Variants in ZDHHC11B observed in about 807,000 individuals in gnomAD.
ZDHHC11B encodes the protein probable palmitoyltransferase ZDHHC11B.
A neutral mutation model predicts 42.3 loss-of-function variants in ZDHHC11B; 17 were observed. The ratio of observed to expected loss-of-function variants is 0.40; its 90% CI spans 0.27 to 0.60. The LOEUF (loss-of-function observed/expected upper bound fraction) is 0.60, where lower values mean the gene tolerates loss of function less well. ZDHHC11B is among the 20% of genes least tolerant of loss of function. ZDHHC11B has a pLI of 0.41. For missense variants in ZDHHC11B, 262 were observed against 463.2 expected (o/e 0.57, Z 3.99); for synonymous variants, 123 against 193.5 (o/e 0.64, Z 3.02).
chr5:772,314 G>C (rs1432170898), intron 1 of ZDHHC11B, among the ~76,000 whole-genome samples: 1 of 147,812 alleles, frequency 6.8e-6, no homozygotes, highest in Non-Finnish European at 1.5e-5. Flanking sequence ...CAAGCAGCAT[G>C]AGATGGCACG....
At chr5:713,953 A>G (rs1455162424) in intron 13 of ZDHHC11B, among the ~76,000 whole-genome samples, 7 of 134,718 alleles carry the variant, frequency 5.2e-5, no homozygotes, top group Non-Finnish European at 1.2e-4. Flanking sequence ...ACCAGGTTTC[A>G]CAAATGCCCT....
At chr5:773,101 G>A (rs1189300956) in intron 1 of ZDHHC11B, among the ~76,000 whole-genome samples, 1 of 151,836 alleles carries the variant, frequency 6.6e-6, no homozygotes, top group African/African-American at 2.4e-5. Flanking sequence ...AGACCCACGT[G>A]CTGTTTCCAC....
intron 12 of ZDHHC11B, among the ~76,000 whole-genome samples, chr5:720,475 C>A (rs1161609464): frequency 6.6e-6 from 1 of 151,656 alleles, no homozygotes; most frequent in Non-Finnish European, 1.5e-5. Flanking sequence ...CTCAGATAGA[C>A]AAAAATTGAG....
At chr5:763,361 C>G (rs1301684689) in intron 4 of ZDHHC11B, among the ~76,000 whole-genome samples, 1 of 142,130 alleles carries the variant, frequency 7.0e-6, no homozygotes, top group Non-Finnish European at 1.5e-5. Context: ...AAGAGTGAGA[C>G]TCCCATCTCG....
In ZDHHC11B at chr5:720,454, A is replaced by G. The variant is rs377471508; in HGVS notation, c.1059-3589T>C. On this transcript the variant is annotated intron_variant, in intron 12 of 13. Transcript: ENST00000508859. ...TCTATCCTTCCAGAATAAAGCAATA[A>G]CTAAGACATTCTCAGATAGACAAAA... 5.9e-5 allele frequency among the ~76,000 whole-genome samples: 9 copies of G among 151,956 alleles called. No homozygotes were observed. The East Asian group carries it at 1.5e-3, about 26-fold the overall frequency.
chr5:732,896 A>G (rs1246699819), intron 11 of ZDHHC11B, among the ~76,000 whole-genome samples: 2 of 151,812 alleles, frequency 1.3e-5, no homozygotes, highest in African/African-American at 4.9e-5. Context: ...GAAATAAAAA[A>G]CAAAAAATAA....
rs1338009436 is a variant in ZDHHC11B at position 752,887 on chromosome 5, C to T, written c.504-1630G>A. On this transcript the variant is annotated intron_variant, in intron 6 of 13. Coordinates refer to ENST00000508859, the MANE Select transcript of ZDHHC11B (RefSeq NM_001351303.2). ...TCATCCTACTGTCTGGAGAGGACTC[C>T]CCTCTTCATCCAGGAAAGAAGGCGG... Among the ~76,000 whole-genome samples, 7 of 124,808 alleles carry T rather than the reference C, an allele frequency of 5.6e-5. No homozygotes were observed. The Admixed American group carries it at 6.6e-4, about 12-fold the overall frequency. The allele number at this position is 124,808 out of a possible 152,430, so 81.9% of individuals were successfully genotyped here.
chr5:727,764 C>T lies in ZDHHC11B; in HGVS notation c.1058+2670G>A, dbSNP rs1253326105. On this transcript the variant is annotated intron_variant, in intron 12 of 13. Coordinates refer to ENST00000508859, the MANE Select transcript of ZDHHC11B (RefSeq NM_001351303.2). Reference sequence around the variant, plus strand: ...TTCGAGATAAAGTAACCTTAGCTCTCTCCCTGTATGCAAAAATAAGTTGAA... The same window carrying T: ...TTCGAGATAAAGTAACCTTAGCTCTTTCCCTGTATGCAAAAATAAGTTGAA... Among the ~76,000 whole-genome samples the T allele has an allele frequency of 4.8e-5, 6 of 126,314 alleles. No homozygotes were observed. In the South Asian group the frequency reaches 7.6e-4, roughly 16 times the overall value. The allele number at this position is 126,314 out of a possible 152,430, so 82.9% of individuals were successfully genotyped here.
chr5:784,335 A>AG (rs1737094937), intron 1 of ZDHHC11B, among the ~76,000 whole-genome samples: 1 of 151,978 alleles, frequency 6.6e-6, no homozygotes, highest in South Asian at 2.1e-4. Context: ...GAAGGGCTGC[A>AG]GGGGCGTCCG....
intron 9 of ZDHHC11B, among the ~76,000 whole-genome samples, chr5:742,443 T>C (rs1237943150): frequency 3.2e-5 from 4 of 123,816 alleles, no homozygotes; most frequent in Admixed American, 9.5e-5. Flanking sequence ...TGCACAGGAA[T>C]GAACACCTGG....
chr5:751,746 G>GC, intron 6 of ZDHHC11B, among the ~76,000 whole-genome samples: 1 of 122,560 alleles, frequency 8.2e-6, no homozygotes, highest in Middle Eastern at 4.3e-3. Context: ...ATCCTGTGAC[G>GC]CCCCCCCAGG....
chr5:714,669 T>C (rs1380470072), intron 13 of ZDHHC11B, among the ~76,000 whole-genome samples: 1 of 121,930 alleles, frequency 8.2e-6, no homozygotes, highest in Non-Finnish European at 1.9e-5. Flanking sequence ...TTGGCTGAGT[T>C]TGGGCTTCTA....
At chr5:761,611 G>A (rs543756260) in intron 4 of ZDHHC11B, among the ~76,000 whole-genome samples, 6 of 151,966 alleles carry the variant, frequency 3.9e-5, no homozygotes, top group South Asian at 2.1e-4. Context: ...AGTGTGTGCC[G>A]GGTGGACACG....
intron 8 of ZDHHC11B, among the ~76,000 whole-genome samples, chr5:746,498 A>G (rs1470301505): frequency 7.6e-6 from 1 of 132,014 alleles, no homozygotes; most frequent in Non-Finnish European, 1.7e-5. Context: ...CTGTCCTTTC[A>G]TGTTTCTGCC....
At chr5:757,402 G>C (rs538284205) in intron 4 of ZDHHC11B, among the ~76,000 whole-genome samples, 1 of 152,090 alleles carries the variant, frequency 6.6e-6, no homozygotes, top group African/African-American at 2.4e-5. Flanking sequence ...CACCAGGCCA[G>C]GGGGCTGCTG....
intron 12 of ZDHHC11B, among the ~76,000 whole-genome samples, chr5:730,164 A>C (rs1384792629): frequency 6.6e-6 from 1 of 151,816 alleles, no homozygotes; most frequent in East Asian, 1.9e-4. Context: ...ACAACATTAC[A>C]TGTGTTTAAA....
chr5:762,383 C>T (rs1238829992), intron 4 of ZDHHC11B, among the ~76,000 whole-genome samples: 36 of 152,002 alleles, frequency 2.4e-4, no homozygotes, highest in African/African-American at 8.2e-4. Flanking sequence ...GTGTATGCCA[C>T]AGTCAGCACC....
chr5:749,462 G>T lies in ZDHHC11B; in HGVS notation c.629-903C>A, dbSNP rs541978154. Among the ~76,000 whole-genome samples the T allele has an allele frequency of 1.0e-4, 13 of 129,992 alleles. 2 individuals are homozygous for T. Among genetic ancestry groups the T allele is most frequent in the African/African-American group, 3.0e-4 (12 of 39,864 alleles). 85.3% of individuals were successfully genotyped at this position (129,992 alleles called of 152,430 possible). A position where few individuals can be genotyped will look rare whatever the true frequency, so the allele number is the denominator to read the frequency against. On this transcript the variant is annotated intron_variant, in intron 7 of 13. Transcript: ENST00000508859. ...CCTCTCTGGAACTGGCGGCCTTGGGGGCCTTCCTAGATGGCCCGACGGGAC... is the reference window on the plus strand; with the variant it reads ...CCTCTCTGGAACTGGCGGCCTTGGGTGCCTTCCTAGATGGCCCGACGGGAC...
At chr5:777,120 G>A (rs1736570932) in intron 1 of ZDHHC11B, among the ~76,000 whole-genome samples, 1 of 151,932 alleles carries the variant, frequency 6.6e-6, no homozygotes, top group Non-Finnish European at 1.5e-5. Context: ...TAAAGATGGC[G>A]ACCCTGGAGT....
Sources: allele counts gnomAD v4.1 joint callset (sites outside exome capture counted in the v4.1 genomes callset), GRCh38; gene constraint gnomAD v4.1.1; transcripts MANE v1.5; gene names NCBI Gene and HGNC (gene_info 2026-07-23, HGNC 2026-07-21).